The following GXYLT1 variants were observed in gnomAD, a reference collection of about 807,000 sequenced individuals.
GXYLT1 encodes the protein glycosyltransferase 8 domain containing 3.
Under a neutral mutation model 54.0 loss-of-function variants are expected in GXYLT1, and 29 were observed. That is an observed-to-expected ratio of 0.54 (90% CI 0.40 to 0.73). The LOEUF is 0.73. GXYLT1 is among the 30% of genes least tolerant of loss of function. The probability of loss-of-function intolerance (pLI) is 0.00; values close to 1 mark genes in which losing one functional copy is unlikely to be tolerated. For missense variants in GXYLT1, 490 were observed against 553.4 expected (o/e 0.89, Z 1.15); for synonymous variants, 176 against 204.1 (o/e 0.86, Z 1.17).
chr12:42,104,025 G>A (rs35806565), intron 5 of GXYLT1, among the ~76,000 whole-genome samples: 10,116 of 152,216 alleles, frequency 0.066, 491 homozygotes, highest in Non-Finnish European at 0.1. Flanking sequence ...GAGGTGGGAG[G>A]ATCACATGAG....
At chr12:42,094,245 T>C (rs953035010) in intron 7 of GXYLT1, among the ~76,000 whole-genome samples, 16 of 151,644 alleles carry the variant, frequency 1.1e-4, no homozygotes, top group African/African-American at 3.9e-4. Context: ...TCCCAGATAT[T>C]TGGGAGGCTG....
rs1430434626 is a variant in GXYLT1, at chr12:42,082,005, A to G, written c.*5781T>C. ...AATCTTTAATTTTATATTCTCCTTTAATAACTGTCAAAATACACCAAATAC... is the reference window on the plus strand; with the variant it reads ...AATCTTTAATTTTATATTCTCCTTTGATAACTGTCAAAATACACCAAATAC... On this transcript the variant is annotated 3_prime_UTR_variant, in exon 8 of 8. Coordinates refer to ENST00000398675, the MANE Select transcript of GXYLT1 (RefSeq NM_173601.2). 6.6e-6 allele frequency: 1 copy of G among 152,236 alleles called. No individual in the cohort carries two copies. The highest frequency in any genetic ancestry group is 1.9e-4 in the East Asian group (1 of 5,202). 9.4% of individuals were successfully genotyped at this position (152,236 alleles called of 1,614,324 possible).
intron 3 of GXYLT1, among the ~76,000 whole-genome samples, chr12:42,110,657 CTCCCACCT>C (rs2065447951): frequency 6.6e-6 from 1 of 152,124 alleles, no homozygotes; most frequent in Admixed American, 6.6e-5. Context: ...TTGGGTGATC[CTCCCACCT>C]CAGGCCTCCC....
In GXYLT1 at chr12:42,112,802, T is replaced by A. The variant is rs1032847604; in HGVS notation, c.487-3111A>T. On this transcript the variant is annotated intron_variant, in intron 3 of 7. Transcript: ENST00000398675. ...GGAAATACAGAGAACGCCACAAAGA[T>A]ACTCCTCAAGAAGAGCAACTCCAAG... is the stretch of plus-strand genomic sequence containing the variant. Among the ~76,000 whole-genome samples the A allele has an allele frequency of 3.2e-4, 49 of 150,916 alleles. 3 individuals are homozygous for A. The highest frequency in any genetic ancestry group is 1.1e-3 in the African/African-American group (45 of 40,284).
intron 3 of GXYLT1, among the ~76,000 whole-genome samples, chr12:42,117,613 T>C (rs2065504683): frequency 6.6e-6 from 1 of 152,192 alleles, no homozygotes. Context: ...AGTGGATAGA[T>C]GTAAACAGAC....
rs866947419 is a variant in GXYLT1, at chr12:42,113,227, C to T, written c.487-3536G>A. On this transcript the variant is annotated intron_variant, in intron 3 of 7. Transcript: ENST00000398675. ...GCTAGGAAGAAACTACATGAACTAA[C>T]GAGCAAAATAACCAGCTAACATCGT... Among the ~76,000 whole-genome samples the T allele has an allele frequency of 1.3e-4, 19 of 151,008 alleles. 1 individual carries two copies. Among genetic ancestry groups the T allele is most frequent in the African/African-American group, 3.5e-4 (14 of 40,356 alleles).
At chr12:42,137,168 T>C (rs1358020562) in intron 1 of GXYLT1, among the ~76,000 whole-genome samples, 1 of 152,142 alleles carries the variant, frequency 6.6e-6, no homozygotes, top group Non-Finnish European at 1.5e-5. Context: ...GAGTCAGTGA[T>C]ACGAGATGAG....
chr12:42,089,646 C>A (rs2065318346), intron 7 of GXYLT1, among the ~76,000 whole-genome samples: 1 of 152,186 alleles, frequency 6.6e-6, no homozygotes, highest in African/African-American at 2.4e-5. Context: ...TCCCAACAGT[C>A]TAGCTCCAAA....
In GXYLT1 at chr12:42,129,938, A is replaced by G. The variant is rs2065585144; in HGVS notation, c.222-87T>C. 8.8e-6 allele frequency: 7 copies of G among 796,172 alleles called. No homozygotes were observed. In the South Asian group the frequency reaches 1.1e-4, roughly 13 times the overall value. The allele number at this position is 796,172 out of a possible 1,614,324, so 49.3% of individuals were successfully genotyped here. ...AATTTACTCAGTAACACGATAACTTACTGTTCTATTTTAAAGCAAATAAAA... is the reference window on the plus strand; with the variant it reads ...AATTTACTCAGTAACACGATAACTTGCTGTTCTATTTTAAAGCAAATAAAA... On this transcript the variant is annotated intron_variant, in intron 1 of 7. Transcript: ENST00000398675.
chr12:42,139,442 G>C lies in GXYLT1; in HGVS notation c.221+4984C>G, dbSNP rs146920716. On this transcript the variant is annotated intron_variant, in intron 1 of 7. Coordinates refer to ENST00000398675, the MANE Select transcript of GXYLT1 (RefSeq NM_173601.2). ...GCCTTTTGGTAGATGATTAGGTCATGAGAGCAGAGCCCCCATGAATGGGAT... is the reference window on the plus strand; with the variant it reads ...GCCTTTTGGTAGATGATTAGGTCATCAGAGCAGAGCCCCCATGAATGGGAT... 2.9e-3 allele frequency among the ~76,000 whole-genome samples: 434 copies of C among 152,246 alleles called. 2 individuals are homozygous for C. The highest frequency in any genetic ancestry group is 9.3e-3 in the African/African-American group (387 of 41,550).
chr12:42,081,859 AC>A lies in GXYLT1; in HGVS notation c.*5926del, dbSNP rs2094622474. On this transcript the variant is annotated 3_prime_UTR_variant, in exon 8 of 8. Transcript: ENST00000398675. ...CAGACATATAATTTGAGGAAATAAAACGTTTATTGAGTAAATGTTTATTTAG... is the reference window on the plus strand; with the variant it reads ...CAGACATATAATTTGAGGAAATAAAAGTTTATTGAGTAAATGTTTATTTAG... 1 of 152,222 alleles carries A rather than the reference AC, an allele frequency of 6.6e-6. No individual in the cohort carries two copies. Among genetic ancestry groups the A allele is most frequent in the Non-Finnish European group, 1.5e-5 (1 of 68,044 alleles). The allele number at this position is 152,222 out of a possible 1,614,324, so 9.4% of individuals were successfully genotyped here.
intron 7 of GXYLT1, among the ~76,000 whole-genome samples, chr12:42,088,595 T>C (rs1299224918): frequency 1.3e-5 from 2 of 152,084 alleles, no homozygotes; most frequent in Non-Finnish European, 2.9e-5. Context: ...TTGGCTAGAG[T>C]CCTTCTTTTA....
At chr12:42,090,299 T>C (rs2065322356) in intron 7 of GXYLT1, among the ~76,000 whole-genome samples, 1 of 152,220 alleles carries the variant, frequency 6.6e-6, no homozygotes, top group African/African-American at 2.4e-5. Flanking sequence ...TAATCTGCAG[T>C]GCCTGCATAT....
intron 2 of GXYLT1, among the ~76,000 whole-genome samples, chr12:42,121,514 C>T (rs1180482368): frequency 6.6e-6 from 1 of 152,060 alleles, no homozygotes; most frequent in African/African-American, 2.4e-5. Flanking sequence ...GCCTGTACTC[C>T]TAGCTACTTA....
intron 1 of GXYLT1, among the ~76,000 whole-genome samples, chr12:42,143,186 C>T (rs2065661432): frequency 6.6e-6 from 1 of 152,166 alleles, no homozygotes; most frequent in South Asian, 2.1e-4. Flanking sequence ...ATGTTGCTTC[C>T]TTACAATTCT....
chr12:42,144,699 C>T lies in GXYLT1; in HGVS notation c.-53G>A. ...CCGCCGCCGCGCCCGCCCCGACGAA[C>T]TGGAGCGGAGGGAGGGGCACCGCGC... On this transcript the variant is annotated 5_prime_UTR_variant, in exon 1 of 8. Transcript: ENST00000398675. 1 of 1,197,826 alleles carries T rather than the reference C, an allele frequency of 8.3e-7. No individual in the cohort carries two copies. Among genetic ancestry groups the T allele is most frequent in the Non-Finnish European group, 1.1e-6 (1 of 897,444 alleles). The allele number at this position is 1,197,826 out of a possible 1,614,324, so 74.2% of individuals were successfully genotyped here.
chr12:42,125,866 TAA>T (rs200272969), intron 2 of GXYLT1, among the ~76,000 whole-genome samples: 2 of 148,246 alleles, frequency 1.3e-5, no homozygotes, highest in African/African-American at 2.5e-5. Context: ...TCACTAATAT[TAA>T]AAAAAAAAAT....
chr12:42,142,883 C>T (rs1020713028), intron 1 of GXYLT1, among the ~76,000 whole-genome samples: 1 of 152,114 alleles, frequency 6.6e-6, no homozygotes, highest in Non-Finnish European at 1.5e-5. Context: ...ATAGTTCTAA[C>T]TTAGATGTAC....
intron 1 of GXYLT1, among the ~76,000 whole-genome samples, chr12:42,130,249 C>T (rs568005748): frequency 6.4e-4 from 98 of 152,240 alleles, no homozygotes; most frequent in African/African-American, 1.8e-3. Flanking sequence ...AAAAATGCCA[C>T]CAATACTGGC....
Sources: gnomAD v4.1 joint callset for allele counts (sites outside exome capture counted in the v4.1 genomes callset) on GRCh38, gnomAD v4.1.1 for gene constraint, MANE v1.5 for transcripts, NCBI Gene and HGNC (gene_info 2026-07-23, HGNC 2026-07-21) for gene names.